Variants in INPP5F observed in about 807,000 individuals in gnomAD.
The protein encoded by INPP5F is phosphatidylinositide 4-phosphatase SAC2.
In INPP5F, 97 loss-of-function variants were observed where a neutral mutation model predicts 137.2. The observed-to-expected ratio is 0.71, with a 90% CI of 0.60 to 0.84. The LOEUF (loss-of-function observed/expected upper bound fraction) is 0.84, where lower values mean the gene tolerates loss of function less well. Ranked by LOEUF, INPP5F falls within the 40% of genes least tolerant of loss-of-function variation. INPP5F has a pLI of 0.00. For synonymous variants in INPP5F, 504 were observed against 476.9 expected, an observed-to-expected ratio of 1.06 and a Z score of -0.74; for missense variants, 1,271 against 1,371.9, an observed-to-expected ratio of 0.93 and a Z score of 1.16.
intron 15 of INPP5F, among the ~76,000 whole-genome samples, chr10:119,816,884 A>G (rs1272379758): frequency 1.3e-5 from 2 of 152,224 alleles, no homozygotes; most frequent in Non-Finnish European, 2.9e-5. Flanking sequence ...TATTTAAAAT[A>G]TATAATTCAG....
At chr10:119,814,478 C>T (rs1003409607) in intron 15 of INPP5F, 7 of 152,220 alleles carry the variant, frequency 4.6e-5, no homozygotes, top group Non-Finnish European at 7.3e-5. Context: ...ATCAGTCACA[C>T]GTAACTTACC....
intron 2 of INPP5F, among the ~76,000 whole-genome samples, chr10:119,765,051 A>T (rs1007471291): frequency 6.7e-6 from 1 of 149,894 alleles, no homozygotes; most frequent in Non-Finnish European, 1.5e-5. Flanking sequence ...TCCTGCCTCA[A>T]CCTCCCGAGT....
At position 119,795,846 on chromosome 10, in the gene INPP5F, C is replaced by T. The variant is rs547105225; in HGVS notation, c.670-869C>T. 8.5e-5 allele frequency among the ~76,000 whole-genome samples: 13 copies of T among 152,344 alleles called. No homozygotes were observed. In the South Asian group the frequency reaches 2.5e-3, roughly 29 times the overall value. ...ATCCTGGCACCTCGGGAGGCCAAGG[C>T]TGGCGGATCACTCGCGGTTAGGAGC... is the stretch of plus-strand genomic sequence containing the variant. On this transcript the variant is annotated intron_variant, in intron 6 of 19. Transcript: ENST00000650623.
chr10:119,775,832 G>C (rs760751588), intron 2 of INPP5F, among the ~76,000 whole-genome samples: 12 of 152,164 alleles, frequency 7.9e-5, no homozygotes, highest in Non-Finnish European at 1.6e-4. Context: ...CCAGTTGCAA[G>C]CCTGGGGCAC....
chr10:119,808,341 C>T (rs1201462768), intron 13 of INPP5F, among the ~76,000 whole-genome samples: 1 of 152,158 alleles, frequency 6.6e-6, no homozygotes, highest in Non-Finnish European at 1.5e-5. Flanking sequence ...TCTGGAAATC[C>T]AGAATTTTAT....
At chr10:119,765,878 TATAGAG>T (rs890409941) in intron 2 of INPP5F, among the ~76,000 whole-genome samples, 22 of 28,386 alleles carry the variant, frequency 7.8e-4, no homozygotes, top group Admixed American at 2.3e-3. Context: ...TATATATATA[TATAGAG>T]AGAGAGAGAG....
chr10:119,802,243 CAAGACTGTG>C (rs1386213260), intron 9 of INPP5F, among the ~76,000 whole-genome samples: 2 of 151,558 alleles, frequency 1.3e-5, no homozygotes, highest in Non-Finnish European at 2.9e-5. Context: ...ACAGCTCTCT[CAAGACTGTG>C]AAGGAACCAG....
chr10:119,806,579 C>G, intron 12 of INPP5F, 99 bp downstream of exon 12: 2 of 1,145,500 alleles, frequency 1.7e-6, no homozygotes, highest in South Asian at 4.1e-5. Flanking sequence ...GTCAAATATT[C>G]TTTACAACAT....
rs981561295 is a variant in INPP5F at position 119,806,573 on chromosome 10, A to C, written c.1440+93A>C. 5 of 1,199,806 alleles carry C rather than the reference A, an allele frequency of 4.2e-6. No homozygotes were observed. The South Asian group carries it at 9.8e-5, about 24-fold the overall frequency. 74.3% of individuals were successfully genotyped at this position (1,199,806 alleles called of 1,614,324 possible). ...ATAGCTAAATATTTTTCAAATGTCA[A>C]ATATTCTTTACAACATTTACAATAT... On this transcript the variant is annotated intron_variant, in intron 12 of 19. Transcript: ENST00000650623.
chr10:119,789,607 A>G (rs1347206474), intron 3 of INPP5F, among the ~76,000 whole-genome samples: 2 of 151,992 alleles, frequency 1.3e-5, no homozygotes, highest in Non-Finnish European at 2.9e-5. Context: ...TCCTGCCTCA[A>G]CCTCTGGTTT....
At chr10:119,771,777 T>A (rs1305241231) in intron 2 of INPP5F, among the ~76,000 whole-genome samples, 1 of 146,770 alleles carries the variant, frequency 6.8e-6, no homozygotes, top group African/African-American at 2.5e-5. Flanking sequence ...ATCTTCCTAT[T>A]TTATTTCATT....
chr10:119,758,393 G>A (rs749420053), intron 2 of INPP5F, among the ~76,000 whole-genome samples: 15 of 152,174 alleles, frequency 9.9e-5, no homozygotes, highest in Non-Finnish European at 1.3e-4. Context: ...GGCAGAGTAC[G>A]CAGCTGTGCA....
At chr10:119,762,428 G>T (rs1657804940) in intron 2 of INPP5F, among the ~76,000 whole-genome samples, 1 of 152,080 alleles carries the variant, frequency 6.6e-6, no homozygotes, top group Admixed American at 6.6e-5. Flanking sequence ...CATTTGTGAT[G>T]ATGTAGCCCT....
chr10:119,749,970 A>C (rs906777843), intron 1 of INPP5F, among the ~76,000 whole-genome samples: 45 of 152,056 alleles, frequency 3.0e-4, no homozygotes, highest in Admixed American at 2.8e-3. Context: ...AGGTTTCACC[A>C]TGTGGGCCAG....
At chr10:119,824,411 C>A (rs1042357252) in intron 19 of INPP5F, among the ~76,000 whole-genome samples, 1 of 152,142 alleles carries the variant, frequency 6.6e-6, no homozygotes, top group Non-Finnish European at 1.5e-5. Flanking sequence ...TGTAGAACAT[C>A]CCTCCATGTA....
At position 119,787,157 on chromosome 10, in the gene INPP5F, A is replaced by G. The variant is rs769086515; in HGVS notation, c.316-4360A>G. ...TCAGGGCATGCTTTGCCATTAAATG[A>G]GTTTTTAACTTAAAAGATACACTTT... On this transcript the variant is annotated intron_variant, in intron 3 of 19. Transcript: ENST00000650623. This position sits in a 1 kb window ranked among gnomAD's most constrained non-coding sequence, Gnocchi z 4.1. 7.7e-4 allele frequency among the ~76,000 whole-genome samples: 117 copies of G among 152,300 alleles called. No individual in the cohort carries two copies. The highest frequency in any genetic ancestry group is 2.7e-3 in the African/African-American group (114 of 41,558).
intron 2 of INPP5F, among the ~76,000 whole-genome samples, chr10:119,765,741 CTGTGTGTGTGTGTGTGTGTGTGTGTGTG>C (rs34906556): frequency 8.1e-4 from 104 of 127,694 alleles, no homozygotes; most frequent in African/African-American, 2.8e-3. Context: ...CAAGGGTAAA[CTGTGTGTGTGTGTGTGTGTGTGTGTGTG>C]TGTGTGTGTG....
chr10:119,769,476 C>G (rs1024570651), intron 2 of INPP5F, among the ~76,000 whole-genome samples: 2 of 151,860 alleles, frequency 1.3e-5, no homozygotes, highest in Non-Finnish European at 2.9e-5. Flanking sequence ...GAAGGGATGC[C>G]CAGAAAGCTG....
At chr10:119,794,718 G>C (rs867398483) in intron 6 of INPP5F, among the ~76,000 whole-genome samples, 2 of 136,540 alleles carry the variant, frequency 1.5e-5, no homozygotes, top group East Asian at 2.4e-4. Context: ...CCTCCCTCCC[G>C]GACGGGGCGG....
Sources: gnomAD v4.1 joint callset for allele counts (sites outside exome capture counted in the v4.1 genomes callset) on GRCh38, gnomAD v4.1.1 for gene constraint, Gnocchi (gnomAD v3.1) non-coding constraint, MANE v1.5 for transcripts, NCBI Gene and HGNC (gene_info 2026-07-23, HGNC 2026-07-21) for gene names.